KIAA1671: variants seen among roughly 807,000 people sequenced by gnomAD.
KIAA1671 encodes the protein KIAA1671.
KIAA1671 carries 52 observed loss-of-function variants against 131.2 expected under a neutral mutation model. That is an observed-to-expected ratio of 0.40 (90% CI 0.32 to 0.50). KIAA1671 has a LOEUF of 0.50. Among genes scored for constraint, KIAA1671 ranks in the 20% least tolerant of loss-of-function variants. KIAA1671 has a pLI of 0.73. For missense variants in KIAA1671, 2,360 were observed against 2,364.2 expected (o/e 1.00, Z 0.04); for synonymous variants, 1,003 against 961.6 (o/e 1.04, Z -0.80).
Position 25,188,447 on chromosome 22 carries a change from GGTGTGTGTGTGTGTGTGTGT to G in KIAA1671, c.5343-2228_5343-2209del, listed in dbSNP as rs59590267. On this transcript the variant is annotated intron_variant, in intron 11 of 12. Coordinates refer to ENST00000358431, the MANE Select transcript of KIAA1671 (RefSeq NM_001145206.2). ...TTCTCCAGAGAAACAGAGCCAATCG[GGTGTGTGTGTGTGTGTGTGT>G]GTGTGTGTGTGTGTGTGTGTGTGTG... is the stretch of plus-strand genomic sequence containing the variant. Among the ~76,000 whole-genome samples, 6 of 137,972 alleles carry G rather than the reference GGTGTGTGTGTGTGTGTGTGT, an allele frequency of 4.3e-5. No homozygotes were observed. In the East Asian group the frequency reaches 8.8e-4, roughly 20 times the overall value. The allele number at this position is 137,972 out of a possible 152,430, so 90.5% of individuals were successfully genotyped here. A position where few individuals can be genotyped will look rare whatever the true frequency, so the allele number is the denominator to read the frequency against.
At position 25,028,480 on chromosome 22, in the gene KIAA1671, A is replaced by G; in HGVS notation, c.481A>G (p.Ser161Gly). 1 of 1,550,036 alleles carries G rather than the reference A, an allele frequency of 6.5e-7. No homozygotes were observed. The highest frequency in any genetic ancestry group is 8.7e-7 in the Non-Finnish European group (1 of 1,146,358). The stretch of plus-strand genomic sequence containing the variant: ...CGGCCCCGCTCTGGGGAAGGCGGTT[A>G]GTGAGGGGGCGGAGGAGGCCAAGCT... ...KSGPALGKAVSEGAEEAKLGV... is the reference protein window; with the variant it reads ...KSGPALGKAVGEGAEEAKLGV... The change falls in exon 3 of 13, where the codon AGT (serine) becomes GGT (glycine). Residue 161 changes from serine to glycine, a missense_variant. Transcript: ENST00000358431.
intron 1 of KIAA1671, among the ~76,000 whole-genome samples, chr22:24,991,819 C>G (rs1249093298): frequency 2.0e-5 from 3 of 151,896 alleles, no homozygotes; most frequent in Non-Finnish European, 2.9e-5. Context: ...TGAGTAATTG[C>G]GAGGGATCAT....
chr22:25,172,104 G>A (rs1933869775), intron 7 of KIAA1671, among the ~76,000 whole-genome samples: 1 of 152,162 alleles, frequency 6.6e-6, no homozygotes, highest in Non-Finnish European at 1.5e-5. Context: ...GTTTAGTTAT[G>A]AGCTTACTTA....
chr22:25,063,799 A>G lies in KIAA1671; in HGVS notation c.4530+14435A>G, dbSNP rs570236708. The G allele has an allele frequency of 2.0e-5, 3 of 152,316 alleles. No homozygotes were observed. The East Asian group carries it at 5.8e-4, about 29-fold the overall frequency. 9.4% of individuals were successfully genotyped at this position (152,316 alleles called of 1,614,324 possible). A position where few individuals can be genotyped will look rare whatever the true frequency, so the allele number is the denominator to read the frequency against. On this transcript the variant is annotated intron_variant, in intron 6 of 12. Transcript: ENST00000358431. ...GAAGCGTAACTATAATTATCTTGCA[A>G]GCACATACTGTTATGGGTATTGGGA...
At position 25,100,415 on chromosome 22, in the gene KIAA1671, C is replaced by T. The variant is rs1930602975; in HGVS notation, c.4530+51051C>T. On this transcript the variant is annotated intron_variant, in intron 6 of 12. Coordinates refer to ENST00000358431, the MANE Select transcript of KIAA1671 (RefSeq NM_001145206.2). ...AATGGAGTGGAAGGGAGGAGGAACACAGGGCAAGGTCTTCCCTCCTATGAC... is the reference window on the plus strand; with the variant it reads ...AATGGAGTGGAAGGGAGGAGGAACATAGGGCAAGGTCTTCCCTCCTATGAC... 2.0e-5 allele frequency among the ~76,000 whole-genome samples: 3 copies of T among 152,332 alleles called. No individual in the cohort carries two copies. In the South Asian group the frequency reaches 6.2e-4, roughly 32 times the overall value.
At chr22:25,116,890 T>C (rs1018973298) in intron 6 of KIAA1671, among the ~76,000 whole-genome samples, 1 of 152,200 alleles carries the variant, frequency 6.6e-6, no homozygotes, top group African/African-American at 2.4e-5. Context: ...GAGAGAACTA[T>C]CTTAAAATAT....
At chr22:25,176,275 C>T (rs1934023312) in intron 8 of KIAA1671, 1 of 152,242 alleles carries the variant, frequency 6.6e-6, no homozygotes, top group South Asian at 2.1e-4. Context: ...CTTCCACCAC[C>T]CCATTGGGAC....
At chr22:25,032,463 C>A in intron 3 of KIAA1671, 146 bp from the exon 4 acceptor site, 1 of 503,810 alleles carries the variant, frequency 2.0e-6, no homozygotes, top group Non-Finnish European at 3.6e-6. Flanking sequence ...GAGGTAGGCT[C>A]TCCCCACTGG....
chr22:25,060,161 A>T (rs1928083221), intron 6 of KIAA1671: 1 of 152,142 alleles, frequency 6.6e-6, no homozygotes, highest in Non-Finnish European at 1.5e-5. Flanking sequence ...TTCAAGCAGA[A>T]CTGATGATCC....
rs567867867 is a variant in KIAA1671 at position 24,964,057 on chromosome 22, G to A, written c.-208+11285G>A. On this transcript the variant is annotated intron_variant, in intron 1 of 12. Coordinates refer to ENST00000358431, the MANE Select transcript of KIAA1671 (RefSeq NM_001145206.2). ...GTAAAACAAAAATAGGGCTGGACAC[G>A]GTGGCTCACATCTGTAATCCCAGCA... Among the ~76,000 whole-genome samples, 4 of 152,206 alleles carry A rather than the reference G, an allele frequency of 2.6e-5. No individual in the cohort carries two copies. In the South Asian group the frequency reaches 6.2e-4, roughly 24 times the overall value.
At chr22:25,137,934 C>T (rs1291906156) in intron 6 of KIAA1671, among the ~76,000 whole-genome samples, 1 of 152,134 alleles carries the variant, frequency 6.6e-6, no homozygotes, top group Non-Finnish European at 1.5e-5. Context: ...AGAACCGAGG[C>T]CTGTTTATCT....
At chr22:25,082,641 T>C (rs1447152267) in intron 6 of KIAA1671, among the ~76,000 whole-genome samples, 1 of 152,206 alleles carries the variant, frequency 6.6e-6, no homozygotes, top group African/African-American at 2.4e-5. Flanking sequence ...GAGACCAGCC[T>C]GGGTAACATA....
intron 6 of KIAA1671, among the ~76,000 whole-genome samples, chr22:25,121,477 A>G (rs945718804): frequency 5.3e-5 from 8 of 152,090 alleles, no homozygotes; most frequent in African/African-American, 9.6e-5. Flanking sequence ...AAAAAAAAAA[A>G]AGAGAATGGA....
At chr22:25,164,054 A>G (rs1049597684) in intron 6 of KIAA1671, among the ~76,000 whole-genome samples, 22 of 152,310 alleles carry the variant, frequency 1.4e-4, no homozygotes, top group African/African-American at 4.8e-4. Flanking sequence ...TGCCTGCAAG[A>G]CAAGGGCCCA....
intron 6 of KIAA1671, among the ~76,000 whole-genome samples, chr22:25,130,779 C>T (rs1932410117): frequency 2.0e-5 from 3 of 152,102 alleles, no homozygotes; most frequent in Admixed American, 2.0e-4. Context: ...CCACTGCCCT[C>T]GAAGCCTGTC....
intron 1 of KIAA1671, chr22:25,010,015 C>G (rs1429933870): frequency 6.6e-6 from 1 of 152,158 alleles, no homozygotes; most frequent in South Asian, 2.1e-4. Context: ...GGACATGATT[C>G]GACAGTGGAT....
At chr22:25,030,929 A>T (rs1272664778) in intron 3 of KIAA1671, among the ~76,000 whole-genome samples, 1 of 152,266 alleles carries the variant, frequency 6.6e-6, no homozygotes, top group Non-Finnish European at 1.5e-5. Context: ...GGCCCTCAGT[A>T]CTTTAGAATA....
At chr22:25,120,609 C>T (rs939117711) in intron 6 of KIAA1671, among the ~76,000 whole-genome samples, 1 of 152,196 alleles carries the variant, frequency 6.6e-6, no homozygotes, top group African/African-American at 2.4e-5. Flanking sequence ...TCAATGTATT[C>T]TTGGAACATA....
chr22:25,013,994 G>A (rs974133159), intron 1 of KIAA1671: 3 of 152,284 alleles, frequency 2.0e-5, no homozygotes, highest in South Asian at 2.1e-4. Context: ...TTTTCCTTAC[G>A]TGTGATTCTG....
Sources: gnomAD v4.1 joint callset for allele counts (sites outside exome capture counted in the v4.1 genomes callset) on GRCh38, gnomAD v4.1.1 for gene constraint, MANE v1.5 for transcripts, NCBI Gene and HGNC (gene_info 2026-07-23, HGNC 2026-07-21) for gene names.